Variants in ACVR1B observed in about 807,000 individuals in gnomAD.
The protein encoded by ACVR1B is activin A receptor type 1B.
ACVR1B carries 15 observed loss-of-function variants against 55.6 expected under a neutral mutation model. That is an observed-to-expected ratio of 0.27 (90% CI 0.18 to 0.42). ACVR1B has a LOEUF of 0.42. Ranked by LOEUF, ACVR1B falls within the 10% of genes least tolerant of loss-of-function variation. The pLI is 1.00. For missense variants in ACVR1B, 359 were observed against 670.1 expected (o/e 0.54, Z 5.13); for synonymous variants, 247 against 254.6 (o/e 0.97, Z 0.28).
intron 1 of ACVR1B, among the ~76,000 whole-genome samples, chr12:51,974,350 G>T (rs1308069740): frequency 6.6e-6 from 1 of 152,176 alleles, no homozygotes; most frequent in African/African-American, 2.4e-5. Flanking sequence ...AATAAATAAA[G>T]GATTTCAGAT....
chr12:51,984,888 AG>A (rs1218072594), intron 5 of ACVR1B, among the ~76,000 whole-genome samples: 2 of 152,258 alleles, frequency 1.3e-5, no homozygotes, highest in Non-Finnish European at 2.9e-5. Context: ...ATATTTGCTC[AG>A]GGAAGGCGAG....
intron 1 of ACVR1B, among the ~76,000 whole-genome samples, chr12:51,952,658 G>T (rs574654259): frequency 1.3e-5 from 2 of 152,194 alleles, no homozygotes; most frequent in South Asian, 4.1e-4. Context: ...TACCCCGGGG[G>T]GCCCATTCAG....
intron 8 of ACVR1B, among the ~76,000 whole-genome samples, chr12:51,993,465 C>G (rs1942233133): frequency 6.6e-6 from 1 of 152,186 alleles, no homozygotes; most frequent in East Asian, 1.9e-4. Flanking sequence ...TGTAAGCTGT[C>G]CCTTAAAAAG....
chr12:51,983,318 C>T (rs772826959), intron 4 of ACVR1B, among the ~76,000 whole-genome samples: 3 of 152,202 alleles, frequency 2.0e-5, no homozygotes, highest in Non-Finnish European at 4.4e-5. Flanking sequence ...AGTGTATGCA[C>T]TCTACCTTCC....
rs1942276111 is a variant in ACVR1B, at chr12:51,995,123, C to G, written c.*1013C>G. The G allele has an allele frequency of 6.5e-6, 1 of 153,012 alleles. No individual in the cohort carries two copies. Among genetic ancestry groups the G allele is most frequent in the Non-Finnish European group, 1.5e-5 (1 of 68,242 alleles). The allele number at this position is 153,012 out of a possible 1,614,324, so 9.5% of individuals were successfully genotyped here. On this transcript the variant is annotated 3_prime_UTR_variant, in exon 9 of 9. Transcript: ENST00000257963. Reference sequence around the variant, plus strand: ...GTGTCAGCCATGGGAAATGAGCCAGCCCAAGGGCATCATCCTCAGCAGCAT... The same window carrying G: ...GTGTCAGCCATGGGAAATGAGCCAGGCCAAGGGCATCATCCTCAGCAGCAT...
At chr12:51,983,143 G>T (rs780290891) in intron 4 of ACVR1B, among the ~76,000 whole-genome samples, 1 of 152,182 alleles carries the variant, frequency 6.6e-6, no homozygotes, top group Non-Finnish European at 1.5e-5. Flanking sequence ...ATAGTATGGT[G>T]CCCTGGAATC....
Position 51,994,193 on chromosome 12 carries a change from C to A in ACVR1B, c.*83C>A. ...TTGAGCGTACGATGGAGGCCTACCTCTCGTTTCTGCCCAGCCCTCTGTGGC... is the reference window on the plus strand; with the variant it reads ...TTGAGCGTACGATGGAGGCCTACCTATCGTTTCTGCCCAGCCCTCTGTGGC... On this transcript the variant is annotated 3_prime_UTR_variant, in exon 9 of 9. Coordinates refer to ENST00000257963, the MANE Select transcript of ACVR1B (RefSeq NM_004302.5). The surrounding 1 kb of genome is among the most constrained non-coding windows in gnomAD (Gnocchi z 4.2). 6.4e-7 allele frequency: 1 copy of A among 1,558,546 alleles called. No individual in the cohort carries two copies. The highest frequency in any genetic ancestry group is 8.7e-7 in the Non-Finnish European group (1 of 1,155,362).
At chr12:51,957,757 T>C (rs1941442607) in intron 1 of ACVR1B, among the ~76,000 whole-genome samples, 1 of 152,194 alleles carries the variant, frequency 6.6e-6, no homozygotes, top group South Asian at 2.1e-4. Context: ...TTCATTAACA[T>C]TGAACTTTAC....
At chr12:51,978,586 T>A (rs1018323382) in intron 3 of ACVR1B, among the ~76,000 whole-genome samples, 7 of 152,010 alleles carry the variant, frequency 4.6e-5, no homozygotes, top group African/African-American at 1.7e-4. Flanking sequence ...TCCCAGCACT[T>A]TGGGAGGCTG....
intron 3 of ACVR1B, 78 bp from the exon 4 acceptor site, chr12:51,980,891 G>A (rs1457347882): frequency 4.0e-6 from 5 of 1,247,558 alleles, no homozygotes; most frequent in East Asian, 4.8e-5. Context: ...GGGTGTTTCC[G>A]TTGTGCCAAT....
Position 51,994,010 on chromosome 12 carries a change from T to C in ACVR1B, c.1418T>C (p.Met473Thr). The C allele has an allele frequency of 1.2e-6, 2 of 1,614,120 alleles. No homozygotes were observed. Among genetic ancestry groups the C allele is most frequent in the Non-Finnish European group, 1.7e-6 (2 of 1,180,036 alleles). Residue 473 changes from methionine (M) to threonine (T), a missense_variant, in exon 9 of 9, where the codon ATG becomes ACG. By Grantham distance (81) the Met-to-Thr change is moderately conservative. This residue lies in a region of ACVR1B where 53 missense variants were observed against 78.5 expected (regional missense o/e 0.68). Transcript: ENST00000257963. The surrounding 1 kb of genome is among the most constrained non-coding windows in gnomAD (Gnocchi z 4.2). Reference protein sequence around the residue: ...YEALRVMGKMMRECWYANGAA... With the variant: ...YEALRVMGKMTRECWYANGAA... ...GCACTGCGGGTGATGGGGAAGATGA[T>C]GCGAGAGTGTTGGTATGCCAACGGC...
At chr12:51,963,255 T>C (rs920936412) in intron 1 of ACVR1B, among the ~76,000 whole-genome samples, 1 of 152,072 alleles carries the variant, frequency 6.6e-6, no homozygotes, top group Non-Finnish European at 1.5e-5. Flanking sequence ...TGTATTTATT[T>C]TTTTTTTGAG....
Position 51,974,295 on chromosome 12 carries a change from T to C in ACVR1B, c.92-970T>C, listed in dbSNP as rs1941802428. On this transcript the variant is annotated intron_variant, in intron 1 of 8. Coordinates refer to ENST00000257963, the MANE Select transcript of ACVR1B (RefSeq NM_004302.5). ...TAGGTTAGTCTCATGGGAGACAGTG[T>C]TGGGGAGAACCAACTGCTGCTGTCT... Among the ~76,000 whole-genome samples the C allele has an allele frequency of 2.0e-5, 3 of 152,300 alleles. No homozygotes were observed. The South Asian group carries it at 6.2e-4, about 32-fold the overall frequency.
Position 51,994,031 on chromosome 12 carries a change from A to G in ACVR1B, c.1439A>G (p.Asn480Ser). 1 of 1,614,142 alleles carries G rather than the reference A, an allele frequency of 6.2e-7. No homozygotes were observed. The highest frequency in any genetic ancestry group is 8.5e-7 in the Non-Finnish European group (1 of 1,180,036). ...ATGATGCGAGAGTGTTGGTATGCCA[A>G]CGGCGCAGCCCGCCTGACGGCCCTG... The part of the protein sequence containing the change: ...GKMMRECWYA[N>S]GAARLTALRI... Residue 480 changes from asparagine to serine, a missense_variant, in exon 9 of 9, where the codon AAC (asparagine) becomes AGC (serine). Coordinates refer to ENST00000257963, the MANE Select transcript of ACVR1B (RefSeq NM_004302.5). The surrounding 1 kb of genome is among the most constrained non-coding windows in gnomAD (Gnocchi z 4.2).
At chr12:51,974,519 G>T (rs1325752183) in intron 1 of ACVR1B, among the ~76,000 whole-genome samples, 1 of 152,204 alleles carries the variant, frequency 6.6e-6, no homozygotes, top group Non-Finnish European at 1.5e-5. Context: ...GTGTGTGTGT[G>T]TGTGCGCGCG....
chr12:51,975,588 T>C, intron 2 of ACVR1B, 84 bp downstream of exon 2: 3 of 1,512,066 alleles, frequency 2.0e-6, no homozygotes, highest in South Asian at 1.3e-5. Context: ...TCTTGCCCAC[T>C]CACTTGGTTT....
chr12:51,985,452 C>G lies in ACVR1B; in HGVS notation c.1136+104C>G, dbSNP rs1461405116. The G allele has an allele frequency of 2.2e-6, 3 of 1,373,034 alleles. No individual in the cohort carries two copies. In the Admixed American group the frequency reaches 7.2e-5, roughly 33 times the overall value. The allele number at this position is 1,373,034 out of a possible 1,614,324, so 85.1% of individuals were successfully genotyped here. A position where few individuals can be genotyped will look rare whatever the true frequency, so the allele number is the denominator to read the frequency against. On this transcript the variant is annotated intron_variant, in intron 6 of 8. Transcript: ENST00000257963. ...GAGAAGGAGGTGTTGAAAAAGGAGGCGAGGACCTTGCTCTCAGCCCACTGA... is the reference window on the plus strand; with the variant it reads ...GAGAAGGAGGTGTTGAAAAAGGAGGGGAGGACCTTGCTCTCAGCCCACTGA...
At chr12:51,958,484 A>G (rs911808812) in intron 1 of ACVR1B, among the ~76,000 whole-genome samples, 1 of 152,116 alleles carries the variant, frequency 6.6e-6, no homozygotes, top group African/African-American at 2.4e-5. Flanking sequence ...CTCTACTGAA[A>G]ATAAAAAATT....
chr12:51,954,309 G>T (rs750960441), intron 1 of ACVR1B, among the ~76,000 whole-genome samples: 35 of 152,190 alleles, frequency 2.3e-4, no homozygotes, highest in Admixed American at 5.9e-4. Context: ...CGTTTGATAG[G>T]TGTACATGTT....
Sources: allele counts gnomAD v4.1 joint callset (sites outside exome capture counted in the v4.1 genomes callset), GRCh38; gene constraint gnomAD v4.1.1; regional missense constraint gnomAD v4.1.1; non-coding constraint Gnocchi (gnomAD v3.1); transcripts MANE v1.5; gene names NCBI Gene and HGNC (gene_info 2026-07-23, HGNC 2026-07-21).